MMP16: variants seen among roughly 807,000 people sequenced by gnomAD.
MMP16 encodes matrix metallopeptidase 16.
A neutral mutation model predicts 67.8 loss-of-function variants in MMP16; 12 were observed. That is an observed-to-expected ratio of 0.18 (90% CI 0.11 to 0.29). MMP16 has a LOEUF of 0.29. Among genes scored for constraint, MMP16 ranks in the 10% least tolerant of loss-of-function variants. The pLI, the probability that MMP16 is intolerant of heterozygous loss-of-function variation, is 1.00. For synonymous variants in MMP16, 249 were observed against 255.9 expected (o/e 0.97, Z 0.26); for missense variants, 475 against 765.7 (o/e 0.62, Z 4.48).
At chr8:88,130,137 T>A (rs563475644) in intron 4 of MMP16, among the ~76,000 whole-genome samples, 1 of 151,930 alleles carries the variant, frequency 6.6e-6, no homozygotes, top group East Asian at 1.9e-4. Flanking sequence ...GCTTGATAAA[T>A]TATCCTTAAT....
At chr8:88,075,552 C>A (rs1400070344) in intron 6 of MMP16, among the ~76,000 whole-genome samples, 1 of 152,038 alleles carries the variant, frequency 6.6e-6, no homozygotes, top group Non-Finnish European at 1.5e-5. Flanking sequence ...CAAAAACAAA[C>A]CCTTCAAACC....
intron 3 of MMP16, among the ~76,000 whole-genome samples, chr8:88,183,944 C>T (rs1809026241): frequency 6.6e-6 from 1 of 151,628 alleles, no homozygotes; most frequent in African/African-American, 2.4e-5. Context: ...CAGGGTTTCT[C>T]CATGTTGGCC....
chr8:88,192,887 C>T (rs960949981), intron 2 of MMP16, among the ~76,000 whole-genome samples: 4 of 151,910 alleles, frequency 2.6e-5, no homozygotes, highest in Admixed American at 2.6e-4. Flanking sequence ...AAACTTTTAT[C>T]GAAAAGACAG....
At chr8:88,140,533 A>C (rs1808196293) in intron 4 of MMP16, among the ~76,000 whole-genome samples, 2 of 152,120 alleles carry the variant, frequency 1.3e-5, no homozygotes, top group South Asian at 4.1e-4. Flanking sequence ...CAACAGCCAC[A>C]TGTGCCTTAA....
chr8:88,154,424 T>G (rs1808469066), intron 4 of MMP16, among the ~76,000 whole-genome samples: 2 of 141,076 alleles, frequency 1.4e-5, no homozygotes, highest in Non-Finnish European at 3.1e-5. Context: ...ACACGTATGT[T>G]TATTGCGGCA....
chr8:88,276,663 G>A (rs1810653390), intron 1 of MMP16, among the ~76,000 whole-genome samples: 1 of 152,090 alleles, frequency 6.6e-6, no homozygotes, highest in South Asian at 2.1e-4. Flanking sequence ...ATAAAAGCAA[G>A]TATATAAAAC....
intron 4 of MMP16, among the ~76,000 whole-genome samples, chr8:88,133,943 A>C (rs778628609): frequency 1.3e-5 from 2 of 151,818 alleles, no homozygotes; most frequent in Non-Finnish European, 2.9e-5. Flanking sequence ...ATTGCAATTC[A>C]GTATCAGTAT....
At chr8:88,103,072 C>A (rs1809171433) in intron 6 of MMP16, among the ~76,000 whole-genome samples, 1 of 151,796 alleles carries the variant, frequency 6.6e-6, no homozygotes, top group East Asian at 2.0e-4. Context: ...TGAGACTTTC[C>A]ATCTTCATTT....
intron 1 of MMP16, among the ~76,000 whole-genome samples, chr8:88,267,815 T>C (rs1249145120): frequency 6.6e-6 from 1 of 152,176 alleles, no homozygotes; most frequent in African/African-American, 2.4e-5. Flanking sequence ...AATATAGAAA[T>C]TAGGGCAATA....
At chr8:88,271,743 T>C (rs1456848128) in intron 1 of MMP16, among the ~76,000 whole-genome samples, 1 of 152,234 alleles carries the variant, frequency 6.6e-6, no homozygotes. Flanking sequence ...AATGCTAAAA[T>C]GGAAAAGACC....
intron 1 of MMP16, among the ~76,000 whole-genome samples, chr8:88,325,030 G>GA (rs1811515890): frequency 6.6e-6 from 1 of 152,178 alleles, no homozygotes; most frequent in Admixed American, 6.5e-5. Context: ...AAAGGTCTGA[G>GA]ATGGCACATG....
At chr8:88,215,098 G>A (rs1038970230) in intron 1 of MMP16, among the ~76,000 whole-genome samples, 9 of 152,168 alleles carry the variant, frequency 5.9e-5, no homozygotes, top group Admixed American at 4.6e-4. Context: ...GGGAGGCCAA[G>A]GTGGATCACG....
At chr8:88,177,109 G>A (rs1360594938) in intron 3 of MMP16, among the ~76,000 whole-genome samples, 7 of 152,032 alleles carry the variant, frequency 4.6e-5, no homozygotes, top group Non-Finnish European at 8.8e-5. Context: ...ATCTTTTGTG[G>A]ATTTATTCTT....
At position 88,033,028 on chromosome 8, in the gene MMP16, T is replaced by C. The variant is rs1282877858; in HGVS notation, c.*8433A>G. 1 of 152,072 alleles carries C rather than the reference T, an allele frequency of 6.6e-6. No individual in the cohort carries two copies. Among genetic ancestry groups the C allele is most frequent in the Non-Finnish European group, 1.5e-5 (1 of 67,952 alleles). 9.4% of individuals were successfully genotyped at this position (152,072 alleles called of 1,614,324 possible). ...TATTTAATTTCCTGGCGTTTCTCTC[T>C]GCTTCACAGTTTAATGTTATTTAAA... On this transcript the variant is annotated 3_prime_UTR_variant, in exon 10 of 10. Coordinates refer to ENST00000286614, the MANE Select transcript of MMP16 (RefSeq NM_005941.5).
At chr8:88,124,939 A>G (rs1339158121) in intron 4 of MMP16, among the ~76,000 whole-genome samples, 3 of 151,856 alleles carry the variant, frequency 2.0e-5, no homozygotes, top group African/African-American at 7.2e-5. Flanking sequence ...CTTATAAGTA[A>G]ACTAATCTCA....
intron 1 of MMP16, among the ~76,000 whole-genome samples, chr8:88,244,028 AG>A (rs1198099829): frequency 8.6e-6 from 1 of 115,828 alleles, no homozygotes; most frequent in Non-Finnish European, 1.8e-5. Context: ...ACAATAATGA[AG>A]TTTTTTTTTT....
Position 88,060,479 on chromosome 8 carries a change from C to T in MMP16, c.1223-4201G>A, listed in dbSNP as rs148909500. Among the ~76,000 whole-genome samples, 890 of 152,150 alleles carry T rather than the reference C, an allele frequency of 5.8e-3. 28 individuals are homozygous for T. The highest frequency in any genetic ancestry group is 0.045 in the Admixed American group (682 of 15,246). ...TTCTTATTGCATTCAGGATAAAACC[C>T]AAATTCATTATATGTCATTTCAAGG... On this transcript the variant is annotated intron_variant, in intron 7 of 9. Coordinates refer to ENST00000286614, the MANE Select transcript of MMP16 (RefSeq NM_005941.5).
Position 88,033,075 on chromosome 8 carries a change from TTC to T in MMP16, c.*8384_*8385del, listed in dbSNP as rs969010875. 1 of 151,954 alleles carries T rather than the reference TTC, an allele frequency of 6.6e-6. No individual in the cohort carries two copies. Among genetic ancestry groups the T allele is most frequent in the Non-Finnish European group, 1.5e-5 (1 of 67,914 alleles). 9.4% of individuals were successfully genotyped at this position (151,954 alleles called of 1,614,324 possible). A position where few individuals can be genotyped will look rare whatever the true frequency, so the allele number is the denominator to read the frequency against. ...TAAATAAAGTCTGTATTAATTTTAA[TTC>T]TTTTACTTTCCCATAACCACAATAT... On this transcript the variant is annotated 3_prime_UTR_variant, in exon 10 of 10. Transcript: ENST00000286614.
chr8:88,125,244 A>C (rs1054487284), intron 4 of MMP16, among the ~76,000 whole-genome samples: 8 of 151,412 alleles, frequency 5.3e-5, no homozygotes, highest in African/African-American at 1.7e-4. Flanking sequence ...CAATTAGAAG[A>C]AATAAGTATA....
Sources: allele counts gnomAD v4.1 joint callset (sites outside exome capture counted in the v4.1 genomes callset), GRCh38; gene constraint gnomAD v4.1.1; transcripts MANE v1.5; gene names NCBI Gene and HGNC (gene_info 2026-07-23, HGNC 2026-07-21).